Variants in MREG observed in about 807,000 individuals in gnomAD.
MREG encodes the protein melanoregulin, also known as dilute suppressor protein homolog.
MREG carries 31 observed loss-of-function variants against 28.5 expected under a neutral mutation model. The observed-to-expected ratio is 1.09, with a 90% CI of 0.82 to 1.47. The LOEUF is 1.47. Ranked by LOEUF, MREG falls within the 40% of genes most tolerant of loss-of-function variation. The probability of loss-of-function intolerance (pLI) is 0.00; values close to 1 mark genes in which losing one functional copy is unlikely to be tolerated. For missense variants in MREG, 256 were observed against 257.4 expected (o/e 0.99, Z 0.04); for synonymous variants, 106 against 95.2 (o/e 1.11, Z -0.66).
chr2:215,985,132 T>G (rs1371289050), intron 2 of MREG, among the ~76,000 whole-genome samples: 1 of 152,214 alleles, frequency 6.6e-6, no homozygotes, highest in Admixed American at 6.5e-5. Context: ...AGTTAACATA[T>G]GCAAAGTGGT....
At position 216,013,434 on chromosome 2, in the gene MREG, G is replaced by A. The variant is rs1427914104; in HGVS notation, c.-107C>T. 4 of 697,212 alleles carry A rather than the reference G, an allele frequency of 5.7e-6. No homozygotes were observed. The Admixed American group carries it at 1.9e-4, about 34-fold the overall frequency. The allele number at this position is 697,212 out of a possible 1,614,324, so 43.2% of individuals were successfully genotyped here. On this transcript the variant is annotated 5_prime_UTR_variant, in exon 1 of 5. Transcript: ENST00000263268. ...GCGCCAGCGTCCAGGTGCGGGGACA[G>A]CGGCAGCCCGGGCGTCGCGGGCTGG...
chr2:215,950,837 G>A (rs1422740160), intron 2 of MREG, among the ~76,000 whole-genome samples: 5 of 152,126 alleles, frequency 3.3e-5, no homozygotes, highest in East Asian at 1.9e-4. Context: ...ATCTCATGTC[G>A]AATTGTAATC....
chr2:216,010,967 G>A (rs1198480786), intron 1 of MREG, among the ~76,000 whole-genome samples: 2 of 151,574 alleles, frequency 1.3e-5, no homozygotes, highest in African/African-American at 2.4e-5. Context: ...GCAGTGGCCG[G>A]CACCTGTAGT....
chr2:215,964,574 AT>A (rs1692885527), intron 2 of MREG, among the ~76,000 whole-genome samples: 1 of 152,208 alleles, frequency 6.6e-6, no homozygotes, highest in Non-Finnish European at 1.5e-5. Flanking sequence ...TTAAGGCATA[AT>A]ATCCACCCTA....
At chr2:215,994,749 A>G (rs577777831) in intron 2 of MREG, among the ~76,000 whole-genome samples, 217 of 152,266 alleles carry the variant, frequency 1.4e-3, no homozygotes, top group South Asian at 2.1e-3. Flanking sequence ...TTTGTCGTCC[A>G]TGTTCCTCTG....
chr2:215,945,844 G>A lies in MREG; in HGVS notation c.347-110C>T, dbSNP rs984151714. On this transcript the variant is annotated intron_variant, in intron 3 of 4. Transcript: ENST00000263268. ...ACAGACCCATGTGGATTCTGTACAA[G>A]CATAAAGCATCAGAAAACTGAAGCC... is the stretch of plus-strand genomic sequence containing the variant. The A allele has an allele frequency of 1.9e-5, 17 of 910,466 alleles. No individual in the cohort carries two copies. The Admixed American group carries it at 3.2e-4, about 17-fold the overall frequency. The allele number at this position is 910,466 out of a possible 1,614,324, so 56.4% of individuals were successfully genotyped here. A position where few individuals can be genotyped will look rare whatever the true frequency, so the allele number is the denominator to read the frequency against.
At chr2:216,022,361 T>C (rs542772673) in intron 1 of MREG, among the ~76,000 whole-genome samples, 42 of 152,170 alleles carry the variant, frequency 2.8e-4, no homozygotes, top group Non-Finnish European at 5.7e-4. Context: ...GAGTCACCCA[T>C]CCTTCAGTTC....
At chr2:215,984,336 G>A (rs1289963679) in intron 2 of MREG, among the ~76,000 whole-genome samples, 2 of 151,908 alleles carry the variant, frequency 1.3e-5, no homozygotes, top group African/African-American at 4.8e-5. Context: ...AACCATATCA[G>A]TTAGCATACA....
upstream of MREG, among the ~76,000 whole-genome samples, chr2:216,017,530 T>C (rs1050428201): frequency 5.3e-5 from 8 of 152,222 alleles, no homozygotes; most frequent in African/African-American, 1.9e-4. Context: ...AGAGTGGCGC[T>C]AGATGGTTCC....
chr2:215,955,192 T>C (rs978020973), intron 2 of MREG, among the ~76,000 whole-genome samples: 1 of 152,212 alleles, frequency 6.6e-6, no homozygotes, highest in African/African-American at 2.4e-5. Context: ...TCAGCCTGTG[T>C]CAAAAATGTA....
At chr2:215,984,590 C>T (rs1693518078) in intron 2 of MREG, among the ~76,000 whole-genome samples, 1 of 144,866 alleles carries the variant, frequency 6.9e-6, no homozygotes, top group Non-Finnish European at 1.5e-5. Flanking sequence ...TATGTACAAA[C>T]TCCTAAAGGA....
chr2:215,973,648 G>GT (rs1693165583), intron 2 of MREG, among the ~76,000 whole-genome samples: 3 of 152,126 alleles, frequency 2.0e-5, no homozygotes, highest in Admixed American at 2.0e-4. Context: ...ACTTCAACCT[G>GT]TTTTCCAAAC....
intron 1 of MREG, among the ~76,000 whole-genome samples, chr2:216,010,584 C>T (rs1401102597): frequency 6.7e-6 from 1 of 150,264 alleles, no homozygotes; most frequent in Non-Finnish European, 1.5e-5. Flanking sequence ...GTCTTGATCT[C>T]CTGACCTTGT....
chr2:215,967,560 G>T (rs1439097050), intron 2 of MREG, among the ~76,000 whole-genome samples: 1 of 152,136 alleles, frequency 6.6e-6, no homozygotes, highest in Non-Finnish European at 1.5e-5. Context: ...AAATCAGGGG[G>T]TATAAGAAGT....
intron 1 of MREG, among the ~76,000 whole-genome samples, chr2:216,022,232 C>T (rs1175361630): frequency 1.3e-5 from 2 of 152,050 alleles, no homozygotes; most frequent in African/African-American, 4.8e-5. Flanking sequence ...GCCTGGGTGA[C>T]AAGAGCAAAA....
intron 2 of MREG, among the ~76,000 whole-genome samples, chr2:215,950,310 C>G (rs1280339695): frequency 6.6e-6 from 1 of 152,204 alleles, no homozygotes. Flanking sequence ...TTAAAACATC[C>G]TTCCCTTCCT....
downstream of MREG, chr2:215,939,366 A>G (rs1692169660): frequency 6.6e-6 from 1 of 152,224 alleles, no homozygotes; most frequent in Non-Finnish European, 1.5e-5. Flanking sequence ...GCGTGTTACA[A>G]TGAAAGCAAG....
intron 1 of MREG, among the ~76,000 whole-genome samples, chr2:216,024,908 AGGGAAAGG>A (rs1193889706): frequency 1.0e-4 from 15 of 149,188 alleles, no homozygotes; most frequent in South Asian, 6.6e-4. Flanking sequence ...AGGGAAAGGA[AGGGAAAGG>A]AAAAAAAAAA....
chr2:216,029,737 T>C (rs148691532), intron 1 of MREG, among the ~76,000 whole-genome samples: 13 of 152,242 alleles, frequency 8.5e-5, no homozygotes, highest in Non-Finnish European at 1.8e-4. Context: ...AGGGCCAGAA[T>C]AGTCCAGTAT....
Sources: gnomAD v4.1 joint callset for allele counts (sites outside exome capture counted in the v4.1 genomes callset) on GRCh38, gnomAD v4.1.1 for gene constraint, MANE v1.5 for transcripts, NCBI Gene and HGNC (gene_info 2026-07-23, HGNC 2026-07-21) for gene names.